SOX13: variants seen among roughly 807,000 people sequenced by gnomAD.
SOX13 encodes SRY-box transcription factor 13, also known as transcription factor SOX-13.
SOX13 carries 28 observed loss-of-function variants against 71.8 expected under a neutral mutation model. That is an observed-to-expected ratio of 0.39 (90% CI 0.29 to 0.53). The LOEUF is 0.53. Ranked by LOEUF, SOX13 falls within the 20% of genes least tolerant of loss-of-function variation. The pLI, the probability that SOX13 is intolerant of heterozygous loss-of-function variation, is 0.70. For missense variants in SOX13, 627 were observed against 810.3 expected (o/e 0.77, Z 2.75); for synonymous variants, 309 against 317.8 (o/e 0.97, Z 0.29).
At chr1:204,089,434 T>A (rs949252152) in intron 1 of SOX13, among the ~76,000 whole-genome samples, 1 of 152,102 alleles carries the variant, frequency 6.6e-6, no homozygotes, top group Non-Finnish European at 1.5e-5. Flanking sequence ...TTTCTCTCTG[T>A]GAAATGAGGT....
chr1:204,094,906 C>G (rs538854903), intron 1 of SOX13, among the ~76,000 whole-genome samples: 7 of 152,170 alleles, frequency 4.6e-5, no homozygotes, highest in Admixed American at 3.9e-4. Context: ...GGGTGGCCCA[C>G]AGAAGCCAGC....
chr1:204,097,702 A>C (rs537239331), intron 1 of SOX13, among the ~76,000 whole-genome samples: 4 of 151,822 alleles, frequency 2.6e-5, no homozygotes, highest in African/African-American at 9.6e-5. Context: ...TCAAAAAAAA[A>C]AAAAAAGAAA....
intron 1 of SOX13, among the ~76,000 whole-genome samples, chr1:204,112,515 A>ACG (rs1656600522): frequency 9.0e-6 from 1 of 111,614 alleles, no homozygotes; most frequent in Admixed American, 1.1e-4. Flanking sequence ...ACACACACAC[A>ACG]CACACACACA....
intron 1 of SOX13, among the ~76,000 whole-genome samples, chr1:204,096,239 G>GTTTTTTTTTTTTTTTTTTTT (rs59094119): frequency 1.2e-5 from 1 of 85,360 alleles, no homozygotes; most frequent in Non-Finnish European, 2.1e-5. Context: ...TCTTTCTTTC[G>GTTTTTTTTTTTTTTTTTTTT]TTTTTTTTTT....
At position 204,075,107 on chromosome 1, in the gene SOX13, C is replaced by T. The variant is rs530138376; in HGVS notation, c.-2+1396C>T. Among the ~76,000 whole-genome samples the T allele has an allele frequency of 3.3e-5, 5 of 152,330 alleles. No individual in the cohort carries two copies. The South Asian group carries it at 8.3e-4, about 25-fold the overall frequency. ...CAAACCAGTATCCCCCAAAGGATCA[C>T]GACATGCCGGTTTCAAAGATGGGTG... On this transcript the variant is annotated intron_variant, in intron 1 of 13. Coordinates refer to ENST00000367204, the MANE Select transcript of SOX13 (RefSeq NM_005686.3).
intron 7 of SOX13, chr1:204,117,959 C>G (rs919053828): frequency 2.0e-6 from 1 of 501,378 alleles, no homozygotes; most frequent in Admixed American, 3.2e-5. Flanking sequence ...CTAGTCTCTC[C>G]AACTCTAGTA....
In SOX13 at chr1:204,116,621, C is replaced by T. The variant is rs377320241; in HGVS notation, c.533C>T (p.Ala178Val). Residue 178 changes from alanine to valine, a missense_variant, in exon 5 of 14, where the codon GCC becomes GTC. Around this residue, in one of 3 missense-constraint regions of SOX13, gnomAD observed 447 missense variants for 532.2 expected, o/e 0.84. Coordinates refer to ENST00000367204, the MANE Select transcript of SOX13 (RefSeq NM_005686.3). ...CACTCGGAGCAGAAGAACATGGCTG[C>T]CATGCTGTTTGAGAAGCAGCAGCAG... ...TAHSEQKNMA[A>V]MLFEKQQQQM... is the part of the protein sequence containing the mutation. The T allele has an allele frequency of 1.2e-5, 20 of 1,613,882 alleles. No homozygotes were observed. Among genetic ancestry groups the T allele is most frequent in the Non-Finnish European group, 1.6e-5 (19 of 1,179,874 alleles).
intron 7 of SOX13, 78 bp downstream of exon 7, chr1:204,117,785 A>C: frequency 2.2e-6 from 2 of 899,578 alleles, no homozygotes; most frequent in Non-Finnish European, 3.6e-6. Context: ...AGCCACTCTC[A>C]TCCATTAATT....
rs1206844059 is a variant in SOX13 at position 204,081,724 on chromosome 1, T to A, written c.-2+8013T>A. Among the ~76,000 whole-genome samples, 1 of 152,180 alleles carries A rather than the reference T, an allele frequency of 6.6e-6. No homozygotes were observed. The highest frequency in any genetic ancestry group is 2.4e-5 in the African/African-American group (1 of 41,446). On this transcript the variant is annotated intron_variant, in intron 1 of 13. Transcript: ENST00000367204. This position sits in a 1 kb window ranked among gnomAD's most constrained non-coding sequence, Gnocchi z 4.3. ...TGGAGGGTGAGGAGGGTTTTCTGTCTTAGCCCTCAGCCTGTGTGGGGTATG... is the reference window on the plus strand; with the variant it reads ...TGGAGGGTGAGGAGGGTTTTCTGTCATAGCCCTCAGCCTGTGTGGGGTATG...
chr1:204,124,479 A>T (rs1307651540), intron 12 of SOX13, among the ~76,000 whole-genome samples, 162 bp from the exon 13 acceptor site: 1 of 152,260 alleles, frequency 6.6e-6, no homozygotes. Flanking sequence ...TTTGCCCAAT[A>T]TCCAAGGAGC....
At chr1:204,091,173 G>C (rs553142648) in intron 1 of SOX13, among the ~76,000 whole-genome samples, 2 of 152,276 alleles carry the variant, frequency 1.3e-5, no homozygotes, top group East Asian at 3.9e-4. Flanking sequence ...CCTGGTAACT[G>C]AGACAACTTT....
chr1:204,079,637 G>A (rs973820671), intron 1 of SOX13, among the ~76,000 whole-genome samples: 20 of 150,714 alleles, frequency 1.3e-4, no homozygotes, highest in African/African-American at 4.2e-4. Context: ...GAGAACCACC[G>A]AGCCTGGCCT....
rs200816821 is a variant in SOX13, at chr1:204,122,874, G to A, written c.1045G>A (p.Ala349Thr). 463 of 1,567,016 alleles carry A rather than the reference G, an allele frequency of 3.0e-4. 1 individual carries two copies. Among genetic ancestry groups the A allele is most frequent in the Non-Finnish European group, 3.8e-4 (436 of 1,155,258 alleles). Residue 349 changes from alanine (A) to threonine (T), a missense_variant, in exon 10 of 14, where the codon GCT (alanine) becomes ACT (threonine). Physicochemically the swap from Ala to Thr is moderately conservative, Grantham distance 58. Coordinates refer to ENST00000367204, the MANE Select transcript of SOX13 (RefSeq NM_005686.3). ...LPLGFLGEGD[A>T]VTKAIQDARQ... ...CACAGGCTTCCTTGGTGAAGGGGAC[G>A]CTGTCACCAAAGCCATCCAGGATGC...
At chr1:204,117,325 G>T in intron 6 of SOX13, 135 bp downstream of exon 6, 1 of 794,508 alleles carries the variant, frequency 1.3e-6, no homozygotes, top group East Asian at 2.7e-5. Context: ...GACCTGAGGA[G>T]GGTTATTTCT....
At chr1:204,094,493 G>A (rs1286749305) in intron 1 of SOX13, among the ~76,000 whole-genome samples, 1 of 152,168 alleles carries the variant, frequency 6.6e-6, no homozygotes, top group South Asian at 2.1e-4. Flanking sequence ...CCCTTCCCTC[G>A]GGTCAGGACT....
At position 204,121,970 on chromosome 1, in the gene SOX13, C is replaced by T; in HGVS notation, c.846C>T (p.Thr282=). Residue 282 remains threonine, a synonymous_variant, in exon 8 of 14, where the codon ACC becomes ACT. Transcript: ENST00000367204. Reference sequence around the variant, plus strand: ...TGAAGAGGCCTGGGGCCATGGCCACCCACCACCCCCTGCAGGTACCGCCCT... The same window carrying T: ...TGAAGAGGCCTGGGGCCATGGCCACTCACCACCCCCTGCAGGTACCGCCCT... The part of the protein sequence containing the change: ...PVVKRPGAMA[T]HHPLQEPSQP... The T allele has an allele frequency of 1.9e-6, 3 of 1,606,616 alleles. No individual in the cohort carries two copies. Among genetic ancestry groups the T allele is most frequent in the Non-Finnish European group, 2.6e-6 (3 of 1,173,606 alleles).
At chr1:204,115,492 T>TTTA (rs1491309003) in intron 4 of SOX13, among the ~76,000 whole-genome samples, 9 of 49,966 alleles carry the variant, frequency 1.8e-4, no homozygotes, top group South Asian at 1.1e-3. Flanking sequence ...TTTTTTTTTT[T>TTTA]AAAAAAAAAA....
chr1:204,084,798 G>GTTC (rs57597675), intron 1 of SOX13, among the ~76,000 whole-genome samples: 135,862 of 151,890 alleles, frequency 0.89, 61,068 homozygotes, highest in African/African-American at 0.97. Flanking sequence ...AGGGTTTGTT[G>GTTC]TTGCTTGAGA....
intron 1 of SOX13, among the ~76,000 whole-genome samples, chr1:204,110,252 T>C (rs751451719): frequency 1.2e-4 from 18 of 151,850 alleles, no homozygotes; most frequent in Non-Finnish European, 2.5e-4. Context: ...CTCAGCCTCC[T>C]GAGTAGCGAG....
Sources: allele counts gnomAD v4.1 joint callset (sites outside exome capture counted in the v4.1 genomes callset), GRCh38; gene constraint gnomAD v4.1.1; regional missense constraint gnomAD v4.1.1; non-coding constraint Gnocchi (gnomAD v3.1); transcripts MANE v1.5; gene names NCBI Gene and HGNC (gene_info 2026-07-23, HGNC 2026-07-21).